Variants in RGS7 observed in about 807,000 individuals in gnomAD.
RGS7 encodes the protein regulator of G-protein signaling 7.
Under a neutral mutation model 81.1 loss-of-function variants are expected in RGS7, and 27 were observed. The ratio of observed to expected loss-of-function variants is 0.33; its 90% CI spans 0.25 to 0.46. The LOEUF is 0.46. RGS7 is among the 20% of genes least tolerant of loss of function. RGS7 has a pLI of 1.00. For synonymous variants in RGS7, 208 were observed against 207.7 expected (o/e 1.00, Z -0.01); for missense variants, 396 against 607.4 (o/e 0.65, Z 3.66).
At chr1:241,129,530 C>T (rs909413537) in intron 2 of RGS7, among the ~76,000 whole-genome samples, 1 of 152,178 alleles carries the variant, frequency 6.6e-6, no homozygotes, top group Non-Finnish European at 1.5e-5. Context: ...AAAAGCATCG[C>T]CAGCACCCTC....
chr1:241,337,863 T>C (rs1312680006), intron 2 of RGS7, among the ~76,000 whole-genome samples: 2 of 152,342 alleles, frequency 1.3e-5, no homozygotes, highest in Non-Finnish European at 2.9e-5. Flanking sequence ...ACTGGATTAT[T>C]TATTTGCAGG....
At chr1:241,264,433 GT>G (rs2077484982) in intron 2 of RGS7, among the ~76,000 whole-genome samples, 1 of 152,144 alleles carries the variant, frequency 6.6e-6, no homozygotes. Context: ...GGAGGCGGAG[GT>G]TGCAGTGAGC....
chr1:240,878,655 T>C (rs1665879263), intron 6 of RGS7, among the ~76,000 whole-genome samples: 1 of 152,120 alleles, frequency 6.6e-6, no homozygotes, highest in Non-Finnish European at 1.5e-5. Flanking sequence ...CCCCAGGTTT[T>C]GGGGGAAAAG....
chr1:241,022,643 C>T lies in RGS7; in HGVS notation c.176-39514G>A, dbSNP rs1478179904. Among the ~76,000 whole-genome samples the T allele has an allele frequency of 5.3e-5, 8 of 152,170 alleles. No homozygotes were observed. In the East Asian group the frequency reaches 9.6e-4, roughly 18 times the overall value. ...CTTTGACCTGTCCAATCAGCACTCC[C>T]GACTTTCTGACACCCTACCCACCAA... is the stretch of plus-strand genomic sequence containing the variant. On this transcript the variant is annotated intron_variant, in intron 3 of 18. Transcript: ENST00000440928.
intron 2 of RGS7, among the ~76,000 whole-genome samples, chr1:241,350,935 G>A (rs1573800986): frequency 6.6e-6 from 1 of 152,090 alleles, no homozygotes; most frequent in Non-Finnish European, 1.5e-5. Flanking sequence ...CTCTTCCAGA[G>A]AAGAAATCAA....
Position 240,971,777 on chromosome 1 carries a change from T to A in RGS7, c.226+11302A>T, listed in dbSNP as rs115547095. ...CTCAGAAACCTAGAATGTTTTTATA[T>A]AGTGGTCTACTAGCACTGGAACGAT... On this transcript the variant is annotated intron_variant, in intron 4 of 18. Coordinates refer to ENST00000440928, the MANE Select transcript of RGS7 (RefSeq NM_001364886.1). Among the ~76,000 whole-genome samples the A allele has an allele frequency of 7.0e-3, 1,059 of 152,310 alleles. 12 individuals carry two copies. Among genetic ancestry groups the A allele is most frequent in the African/African-American group, 0.024 (991 of 41,562 alleles).
At chr1:241,160,110 C>CAAAAAAAAAAAA (rs369734662) in intron 2 of RGS7, among the ~76,000 whole-genome samples, 50 of 55,584 alleles carry the variant, frequency 9.0e-4, no homozygotes, top group Admixed American at 1.1e-3. Flanking sequence ...GACTCCATCT[C>CAAAAAAAAAAAA]AAAAAAAAAA....
chr1:240,853,899 T>A (rs1434226066), intron 9 of RGS7, among the ~76,000 whole-genome samples: 2 of 3,942 alleles, frequency 5.1e-4, no homozygotes, highest in Admixed American at 4.2e-3. Context: ...AGACTCCGTC[T>A]CAAAAAAAAA....
rs1368085320 is a variant in RGS7, at chr1:240,811,930, G to A, written c.1070C>T (p.Ser357Leu). ...CAATGTGTTTTACCTTAAATTTTCC[G>A]AGCTGAATTCTGACTCTAGAAATTT... ...FLKFLESEFSSENLRFWLAVE... is the reference protein window; with the variant it reads ...FLKFLESEFSLENLRFWLAVE... The change falls in exon 14 of 19, where the codon TCG becomes TTG. Residue 357 changes from serine (S) to leucine (L), a missense_variant. By Grantham distance (145) the Ser-to-Leu change is moderately radical. Coordinates refer to ENST00000440928, the MANE Select transcript of RGS7 (RefSeq NM_001364886.1). The A allele has an allele frequency of 5.6e-6, 9 of 1,612,812 alleles. No individual in the cohort carries two copies. The highest frequency in any genetic ancestry group is 1.7e-4 in the Middle Eastern group (1 of 6,058).
At chr1:241,292,527 G>A (rs897831516) in intron 2 of RGS7, among the ~76,000 whole-genome samples, 4 of 152,272 alleles carry the variant, frequency 2.6e-5, no homozygotes, top group Admixed American at 6.5e-5. Context: ...TGGTTTTCAC[G>A]TACTTAGTCA....
chr1:241,040,526 A>C (rs1010910711), intron 3 of RGS7, among the ~76,000 whole-genome samples: 1 of 151,546 alleles, frequency 6.6e-6, no homozygotes, highest in Non-Finnish European at 1.5e-5. Context: ...TTTAAGACTG[A>C]GTTTCGCTCT....
chr1:240,991,440 A>C (rs1391935132), intron 3 of RGS7, among the ~76,000 whole-genome samples: 2 of 152,170 alleles, frequency 1.3e-5, no homozygotes, highest in Non-Finnish European at 2.9e-5. Flanking sequence ...TCAACCAGAG[A>C]AGCTTTTCCC....
Position 240,955,484 on chromosome 1 carries a change from G to A in RGS7, c.227-18778C>T, listed in dbSNP as rs548888964. Among the ~76,000 whole-genome samples, 3 of 150,510 alleles carry A rather than the reference G, an allele frequency of 2.0e-5. No homozygotes were observed. The East Asian group carries it at 5.9e-4, about 30-fold the overall frequency. On this transcript the variant is annotated intron_variant, in intron 4 of 18. Transcript: ENST00000440928. ...GGAGAATGGCATGAACCTGGGAGGC[G>A]GAGCTTGCAGTGAGCCGAGATCATG...
At chr1:241,091,905 A>G (rs1438022813) in intron 3 of RGS7, among the ~76,000 whole-genome samples, 1 of 152,078 alleles carries the variant, frequency 6.6e-6, no homozygotes, top group South Asian at 2.1e-4. Flanking sequence ...AAACCAAAAA[A>G]CCAACTTTAT....
chr1:240,778,239 C>T (rs1683313935), intron 18 of RGS7, among the ~76,000 whole-genome samples: 1 of 152,174 alleles, frequency 6.6e-6, no homozygotes, highest in Admixed American at 6.5e-5. Flanking sequence ...CTCCTGATAC[C>T]ATCACCCTTG....
intron 3 of RGS7, among the ~76,000 whole-genome samples, chr1:241,076,696 T>G (rs2062824736): frequency 6.6e-6 from 1 of 152,198 alleles, no homozygotes; most frequent in African/African-American, 2.4e-5. Context: ...AGGAAGAGTA[T>G]TTTGTCCGTG....
intron 2 of RGS7, among the ~76,000 whole-genome samples, chr1:241,221,024 AGG>A (rs2074935101): frequency 8.6e-6 from 1 of 115,778 alleles, no homozygotes; most frequent in African/African-American, 2.9e-5. Flanking sequence ...GAAGGAAGGA[AGG>A]AAGGAAGGAA....
intron 2 of RGS7, among the ~76,000 whole-genome samples, chr1:241,237,677 A>G (rs1415750772): frequency 3.9e-5 from 6 of 152,188 alleles, no homozygotes; most frequent in African/African-American, 1.4e-4. Context: ...ACCCTTCACC[A>G]GAAGAAGAAA....
At chr1:241,101,626 T>A (rs1299753449) in intron 2 of RGS7, among the ~76,000 whole-genome samples, 1 of 152,112 alleles carries the variant, frequency 6.6e-6, no homozygotes, top group Non-Finnish European at 1.5e-5. Context: ...GTAATAAAGA[T>A]CTCTAAGTAT....
Sources: allele counts gnomAD v4.1 joint callset (sites outside exome capture counted in the v4.1 genomes callset), GRCh38; gene constraint gnomAD v4.1.1; transcripts MANE v1.5; gene names NCBI Gene and HGNC (gene_info 2026-07-23, HGNC 2026-07-21).